Variants in VEPH1 observed in about 807,000 individuals in gnomAD.
VEPH1 encodes ventricular zone-expressed PH domain-containing protein homolog 1.
VEPH1 carries 80 observed loss-of-function variants against 85.2 expected under a neutral mutation model. The ratio of observed to expected loss-of-function variants is 0.94; its 90% CI spans 0.78 to 1.13. VEPH1 has a LOEUF of 1.13. VEPH1 is among the 50% of genes most tolerant of loss of function. VEPH1 has a pLI of 0.00. For synonymous variants in VEPH1, 297 were observed against 348.0 expected, an observed-to-expected ratio of 0.85 and a Z score of 1.63; for missense variants, 955 against 980.5, an observed-to-expected ratio of 0.97 and a Z score of 0.35.
At chr3:157,495,813 G>A (rs1237346568) in intron 1 of VEPH1, among the ~76,000 whole-genome samples, 6 of 152,110 alleles carry the variant, frequency 3.9e-5, no homozygotes, top group East Asian at 1.9e-4. Flanking sequence ...CAACAATCAT[G>A]CCTAACACTT....
chr3:157,495,959 G>C (rs1175356622), intron 1 of VEPH1, among the ~76,000 whole-genome samples: 1 of 152,222 alleles, frequency 6.6e-6, no homozygotes, highest in East Asian at 1.9e-4. Flanking sequence ...ACAGAAACCA[G>C]TGCTTACCTC....
At chr3:157,276,654 A>C (rs1229382544) in intron 12 of VEPH1, among the ~76,000 whole-genome samples, 2 of 152,244 alleles carry the variant, frequency 1.3e-5, no homozygotes, top group African/African-American at 4.8e-5. Flanking sequence ...GGTTTCAATC[A>C]ATAGGGTTAC....
intron 11 of VEPH1, among the ~76,000 whole-genome samples, chr3:157,311,068 T>A (rs993272839): frequency 6.6e-6 from 1 of 152,194 alleles, no homozygotes; most frequent in African/African-American, 2.4e-5. Context: ...TGATATGTAT[T>A]ATTTAGAGAG....
chr3:157,435,983 T>A (rs1733541612), intron 4 of VEPH1, among the ~76,000 whole-genome samples: 1 of 152,178 alleles, frequency 6.6e-6, no homozygotes, highest in South Asian at 2.1e-4. Context: ...TTGTACTGTG[T>A]TGTTTGTCAT....
In VEPH1 at chr3:157,381,947, A is replaced by G. The variant is rs1394522719; in HGVS notation, c.907-571T>C. Among the ~76,000 whole-genome samples, 13 of 152,070 alleles carry G rather than the reference A, an allele frequency of 8.5e-5. No individual in the cohort carries two copies. The East Asian group carries it at 2.5e-3, about 29-fold the overall frequency. On this transcript the variant is annotated intron_variant, in intron 6 of 13. Transcript: ENST00000362010. ...TATCTTTCCAGGTCAAAACCTCTCA[A>G]CCATCATAAATGATGAGACCCCACA...
rs1728718977 is a variant in VEPH1, at chr3:157,381,184, G to A, written c.1099C>T (p.Leu367=). ...TAIAKLLTRQ[L]ENTKAGSGRR... is the part of the protein sequence containing the mutation. ...CCACTTCCAGCCTTGGTATTTTCCA[G>A]TTGTCGGGTAAGGAGTTTAGCAATG... Residue 367 remains leucine (L), a synonymous_variant, in exon 7 of 14, where the codon CTG becomes TTG. Coordinates refer to ENST00000362010, the MANE Select transcript of VEPH1 (RefSeq NM_001167912.2). 1 of 1,613,892 alleles carries A rather than the reference G, an allele frequency of 6.2e-7. No homozygotes were observed. The highest frequency in any genetic ancestry group is 8.5e-7 in the Non-Finnish European group (1 of 1,180,004).
At chr3:157,290,585 A>C (rs755053306) in intron 11 of VEPH1, among the ~76,000 whole-genome samples, 1 of 152,124 alleles carries the variant, frequency 6.6e-6, no homozygotes, top group Non-Finnish European at 1.5e-5. Context: ...TCCCAAGTAC[A>C]CTCCAAATCA....
chr3:157,328,517 A>C (rs967344265), intron 9 of VEPH1, among the ~76,000 whole-genome samples: 5 of 152,192 alleles, frequency 3.3e-5, no homozygotes, highest in African/African-American at 1.2e-4. Flanking sequence ...GTAAGCCAAA[A>C]TCCCATTCTA....
intron 6 of VEPH1, among the ~76,000 whole-genome samples, chr3:157,401,323 G>T (rs1198579188): frequency 1.3e-5 from 2 of 152,080 alleles, no homozygotes; most frequent in Non-Finnish European, 2.9e-5. Flanking sequence ...TAGCTCATTA[G>T]AAAAAGGAAC....
intron 7 of VEPH1, among the ~76,000 whole-genome samples, chr3:157,375,975 G>T (rs1051131818): frequency 2.6e-5 from 4 of 152,178 alleles, no homozygotes; most frequent in Admixed American, 2.6e-4. Context: ...TTTCCCCCAT[G>T]ACTTTCACGG....
chr3:157,411,038 TGTA>T (rs1387307994), intron 6 of VEPH1, among the ~76,000 whole-genome samples: 1 of 152,194 alleles, frequency 6.6e-6, no homozygotes, highest in African/African-American at 2.4e-5. Flanking sequence ...GCTAATGGAT[TGTA>T]AACAAAAGGT....
At chr3:157,465,270 T>G (rs942666324) in intron 3 of VEPH1, among the ~76,000 whole-genome samples, 19 of 152,158 alleles carry the variant, frequency 1.2e-4, no homozygotes, top group Admixed American at 1.2e-3. Context: ...ATAGAAGAGC[T>G]TATAATTTGG....
At chr3:157,448,092 T>C (rs1246103577) in intron 4 of VEPH1, among the ~76,000 whole-genome samples, 1 of 151,480 alleles carries the variant, frequency 6.6e-6, no homozygotes, top group African/African-American at 2.4e-5. Context: ...TCACATATAT[T>C]ATAACTGTCA....
At chr3:157,424,029 G>A (rs1477271534) in intron 5 of VEPH1, among the ~76,000 whole-genome samples, 1 of 152,080 alleles carries the variant, frequency 6.6e-6, no homozygotes, top group African/African-American at 2.4e-5. Flanking sequence ...ATATGGTTTG[G>A]CTCTGTGTCC....
At chr3:157,341,950 A>C (rs1723616654) in intron 9 of VEPH1, among the ~76,000 whole-genome samples, 1 of 152,178 alleles carries the variant, frequency 6.6e-6, no homozygotes, top group Non-Finnish European at 1.5e-5. Context: ...AGGAGAAATA[A>C]AATCCTTTAC....
chr3:157,310,343 C>T (rs2108501408), intron 11 of VEPH1, among the ~76,000 whole-genome samples: 1 of 152,176 alleles, frequency 6.6e-6, no homozygotes, highest in East Asian at 1.9e-4. Flanking sequence ...CAATGTGTGG[C>T]CACTGTTCTG....
intron 9 of VEPH1, among the ~76,000 whole-genome samples, chr3:157,339,258 T>C (rs1406806647): frequency 6.6e-6 from 1 of 152,156 alleles, no homozygotes; most frequent in Non-Finnish European, 1.5e-5. Flanking sequence ...CCTGAGAATA[T>C]TGTTCTAGTG....
chr3:157,454,326 G>T (rs1735200993), intron 4 of VEPH1, among the ~76,000 whole-genome samples: 1 of 152,152 alleles, frequency 6.6e-6, no homozygotes, highest in African/African-American at 2.4e-5. Flanking sequence ...TTAGAGGGAA[G>T]CACAGGTTGA....
rs909302945 is a variant in VEPH1 at position 157,409,573 on chromosome 3, A to G, written c.906+4308T>C. ...TAATCTGGGAGATAGAGAAAATAAG[A>G]ATCTGTAGGATTTTGGTTTTTGTTT... On this transcript the variant is annotated intron_variant, in intron 6 of 13. Coordinates refer to ENST00000362010, the MANE Select transcript of VEPH1 (RefSeq NM_001167912.2). 3.1e-6 allele frequency: 3 copies of G among 957,458 alleles called. No homozygotes were observed. In the African/African-American group the frequency reaches 5.3e-5, roughly 17 times the overall value. The allele number at this position is 957,458 out of a possible 1,614,324, so 59.3% of individuals were successfully genotyped here.
Sources: gnomAD v4.1 joint callset for allele counts (sites outside exome capture counted in the v4.1 genomes callset) on GRCh38, gnomAD v4.1.1 for gene constraint, MANE v1.5 for transcripts, NCBI Gene and HGNC (gene_info 2026-07-23, HGNC 2026-07-21) for gene names.